RBFOX1: variants seen among roughly 807,000 people sequenced by gnomAD.
The protein encoded by RBFOX1 is RNA binding fox-1 homolog 1, also known as RNA binding protein fox-1 homolog 1.
In RBFOX1, 8 loss-of-function variants were observed where a neutral mutation model predicts 57.7. The observed-to-expected ratio is 0.14, with a 90% CI of 0.08 to 0.25. RBFOX1 has a LOEUF of 0.25. RBFOX1 is among the 10% of genes least tolerant of loss of function. The pLI is 1.00. For synonymous variants in RBFOX1, 326 were observed against 222.4 expected, an observed-to-expected ratio of 1.47 and a Z score of -4.15; for missense variants, 611 against 548.5, an observed-to-expected ratio of 1.11 and a Z score of -1.14.
At chr16:5,312,351 C>T (rs1356336197) in intron 1 of RBFOX1, among the ~76,000 whole-genome samples, 1 of 152,192 alleles carries the variant, frequency 6.6e-6, no homozygotes, top group Non-Finnish European at 1.5e-5. Context: ...TGGAGTCTTG[C>T]TCTGTCACTC....
Position 6,829,038 on chromosome 16 carries a change from G to T in RBFOX1, c.-16+174388G>T, listed in dbSNP as rs539901152. On this transcript the variant is annotated intron_variant, in intron 3 of 15. Transcript: ENST00000550418. Reference sequence around the variant, plus strand: ...CATCCTTGAATTCCTTCTTGAGACGGTGTCAAGAGCCTGGACACCTGCCGG... The same window carrying T: ...CATCCTTGAATTCCTTCTTGAGACGTTGTCAAGAGCCTGGACACCTGCCGG... Among the ~76,000 whole-genome samples, 38 of 152,112 alleles carry T rather than the reference G, an allele frequency of 2.5e-4. 1 individual carries two copies. Among genetic ancestry groups the T allele is most frequent in the Admixed American group, 1.8e-3 (27 of 15,270 alleles).
At chr16:6,557,620 C>T (rs764310090) in intron 2 of RBFOX1, among the ~76,000 whole-genome samples, 34 of 152,252 alleles carry the variant, frequency 2.2e-4, no homozygotes, top group Admixed American at 1.1e-3. Flanking sequence ...AGTTAAGTAT[C>T]GCTGATTAAT....
intron 1 of RBFOX1, among the ~76,000 whole-genome samples, chr16:6,246,313 C>G (rs1283606042): frequency 6.6e-6 from 1 of 152,178 alleles, no homozygotes; most frequent in African/African-American, 2.4e-5. Flanking sequence ...TATAGTTACT[C>G]TTGCTGTAGA....
At chr16:5,549,891 A>T (rs1487711853) in intron 2 of RBFOX1, among the ~76,000 whole-genome samples, 1 of 152,076 alleles carries the variant, frequency 6.6e-6, no homozygotes, top group African/African-American at 2.4e-5. Context: ...GGTGTGGATG[A>T]GTGTGGCTCA....
intron 3 of RBFOX1, among the ~76,000 whole-genome samples, chr16:7,027,608 A>G (rs2041358066): frequency 6.6e-6 from 1 of 152,150 alleles, no homozygotes; most frequent in East Asian, 1.9e-4. Flanking sequence ...CCAGGGAACA[A>G]GAATGCATAG....
At chr16:6,571,517 G>A (rs1600209965) in intron 2 of RBFOX1, among the ~76,000 whole-genome samples, 1 of 152,184 alleles carries the variant, frequency 6.6e-6, no homozygotes, top group East Asian at 1.9e-4. Context: ...GAAATAAAAG[G>A]CAAGGGGTTT....
chr16:6,740,999 G>T (rs980581985), intron 3 of RBFOX1, among the ~76,000 whole-genome samples: 2 of 152,276 alleles, frequency 1.3e-5, no homozygotes, highest in South Asian at 4.1e-4. Context: ...TCATCGCTAT[G>T]TGGTATTTGC....
intron 3 of RBFOX1, among the ~76,000 whole-genome samples, chr16:6,972,401 C>A (rs547660694): frequency 3.3e-5 from 5 of 151,998 alleles, no homozygotes; most frequent in Non-Finnish European, 7.4e-5. Flanking sequence ...CAGGGTTCAT[C>A]CATGGTGTAG....
intron 3 of RBFOX1, among the ~76,000 whole-genome samples, chr16:5,752,552 A>G (rs1231580910): frequency 6.6e-6 from 1 of 152,204 alleles, no homozygotes; most frequent in Non-Finnish European, 1.5e-5. Context: ...TTTCCAGAAA[A>G]TAAATTGCTT....
chr16:7,258,475 C>T (rs2094786358), intron 4 of RBFOX1, among the ~76,000 whole-genome samples: 1 of 152,078 alleles, frequency 6.6e-6, no homozygotes. Context: ...CCCTCTCTCT[C>T]TCTCTGTCAA....
intron 1 of RBFOX1, among the ~76,000 whole-genome samples, chr16:5,407,549 A>G (rs774661277): frequency 6.6e-6 from 1 of 152,006 alleles, no homozygotes; most frequent in Non-Finnish European, 1.5e-5. Context: ...ATGTCATAAC[A>G]AGGCCTTTGG....
intron 3 of RBFOX1, among the ~76,000 whole-genome samples, chr16:6,818,781 C>T (rs1279454658): frequency 6.6e-6 from 1 of 152,120 alleles, no homozygotes; most frequent in Non-Finnish European, 1.5e-5. Context: ...GAGGCCTGGC[C>T]ACTGATGCCA....
intron 11 of RBFOX1, among the ~76,000 whole-genome samples, chr16:7,632,609 C>T (rs1200497592): frequency 6.6e-6 from 1 of 152,148 alleles, no homozygotes; most frequent in African/African-American, 2.4e-5. Context: ...TACCATTTAC[C>T]TAGCCTTCCT....
chr16:7,451,496 G>T (rs1279637040), intron 4 of RBFOX1, among the ~76,000 whole-genome samples: 1 of 152,036 alleles, frequency 6.6e-6, no homozygotes, highest in Non-Finnish European at 1.5e-5. Flanking sequence ...ACTGCAAATG[G>T]CAACTTCATG....
At chr16:6,502,198 C>A (rs1300177994) in intron 2 of RBFOX1, among the ~76,000 whole-genome samples, 1 of 152,152 alleles carries the variant, frequency 6.6e-6, no homozygotes, top group African/African-American at 2.4e-5. Context: ...TCTGTTATAT[C>A]TTTCTCATGG....
intron 4 of RBFOX1, among the ~76,000 whole-genome samples, chr16:5,917,911 C>T (rs960151295): frequency 3.3e-5 from 5 of 152,144 alleles, no homozygotes; most frequent in African/African-American, 1.2e-4. Flanking sequence ...CTGCACTGAC[C>T]TCTTAGCTCC....
chr16:6,585,339 G>A (rs1273051729), intron 2 of RBFOX1, among the ~76,000 whole-genome samples: 2 of 152,188 alleles, frequency 1.3e-5, no homozygotes, highest in African/African-American at 4.8e-5. Context: ...TTTATGGTGT[G>A]AGGAAGTGCT....
At chr16:6,814,642 G>T (rs907544038) in intron 3 of RBFOX1, among the ~76,000 whole-genome samples, 1 of 152,134 alleles carries the variant, frequency 6.6e-6, no homozygotes, top group East Asian at 1.9e-4. Flanking sequence ...ACAGGTAGGG[G>T]ACAAAGAGGC....
At chr16:7,523,978 T>A (rs746229262) in intron 5 of RBFOX1, among the ~76,000 whole-genome samples, 2 of 152,168 alleles carry the variant, frequency 1.3e-5, no homozygotes, top group Admixed American at 6.5e-5. Context: ...ACTATGGTTC[T>A]CCCCACCCTA....
Sources: allele counts gnomAD v4.1 joint callset (sites outside exome capture counted in the v4.1 genomes callset), GRCh38; gene constraint gnomAD v4.1.1; transcripts MANE v1.5; gene names NCBI Gene and HGNC (gene_info 2026-07-23, HGNC 2026-07-21).